The following PIN1 variants were observed in gnomAD, a reference collection of about 807,000 sequenced individuals.
PIN1 encodes peptidyl-prolyl cis-trans isomerase NIMA-interacting 1.
Under a neutral mutation model 19.9 loss-of-function variants are expected in PIN1, and 8 were observed. The observed-to-expected ratio is 0.40, with a 90% CI of 0.24 to 0.72. PIN1 has a LOEUF of 0.72. Among genes scored for constraint, PIN1 ranks in the 30% least tolerant of loss-of-function variants. The probability of loss-of-function intolerance (pLI) is 0.37; values close to 1 mark genes in which losing one functional copy is unlikely to be tolerated. For missense variants in PIN1, 185 were observed against 226.5 expected (o/e 0.82, Z 1.18); for synonymous variants, 86 against 90.8 (o/e 0.95, Z 0.30).
Position 9,849,623 on chromosome 19 carries a change from C to T in PIN1, c.*424C>T, listed in dbSNP as rs2046256069. ...AAGGTGAACACTCATGCGGCCCAGC[C>T]ATGGGCCCTCTGAGCAACTGTGCAG... On this transcript the variant is annotated 3_prime_UTR_variant, in exon 4 of 4. Coordinates refer to ENST00000247970, the MANE Select transcript of PIN1 (RefSeq NM_006221.4). 2 of 528,132 alleles carry T rather than the reference C, an allele frequency of 3.8e-6. No individual in the cohort carries two copies. The highest frequency in any genetic ancestry group is 3.8e-5 in the African/African-American group (2 of 52,416). The allele number at this position is 528,132 out of a possible 1,614,324, so 32.7% of individuals were successfully genotyped here.
intron 2 of PIN1, among the ~76,000 whole-genome samples, chr19:9,842,344 C>T (rs1476292778): frequency 6.6e-6 from 1 of 152,200 alleles, no homozygotes; most frequent in East Asian, 1.9e-4. Flanking sequence ...TCAGTGCCAG[C>T]TGTGTGGTCT....
At chr19:9,845,021 G>C (rs1047776135) in intron 2 of PIN1, among the ~76,000 whole-genome samples, 2 of 152,266 alleles carry the variant, frequency 1.3e-5, no homozygotes, top group African/African-American at 4.8e-5. Flanking sequence ...CAGCACCCAG[G>C]GGGAGGCACC....
chr19:9,845,641 G>T (rs556024924), intron 2 of PIN1, among the ~76,000 whole-genome samples: 1 of 152,318 alleles, frequency 6.6e-6, no homozygotes, highest in African/African-American at 2.4e-5. Flanking sequence ...GTCATTGCAG[G>T]CTCCCATCAT....
chr19:9,840,546 A>G (rs1383556602), intron 2 of PIN1, among the ~76,000 whole-genome samples: 1 of 152,198 alleles, frequency 6.6e-6, no homozygotes, highest in African/African-American at 2.4e-5. Context: ...CAGCTCTGCC[A>G]CGTCCTGGCT....
At position 9,846,401 on chromosome 19, in the gene PIN1, A is replaced by G. The variant is rs1228687908; in HGVS notation, c.272-1629A>G. On this transcript the variant is annotated intron_variant, in intron 2 of 3. Coordinates refer to ENST00000247970, the MANE Select transcript of PIN1 (RefSeq NM_006221.4). The surrounding 1 kb of genome is among the most constrained non-coding windows in gnomAD (Gnocchi z 5.9). ...AGGGTCCTGCTCGGTGCCGGGCACT[A>G]TGCTGCATGTCACAGCCACTGGCAC... Among the ~76,000 whole-genome samples the G allele has an allele frequency of 2.0e-5, 3 of 152,290 alleles. No homozygotes were observed. Among genetic ancestry groups the G allele is most frequent in the Middle Eastern group, 3.4e-3 (1 of 294 alleles).
At chr19:9,836,739 A>G (rs1480679344) in intron 1 of PIN1, 1 of 889,702 alleles carries the variant, frequency 1.1e-6, no homozygotes, top group Non-Finnish European at 1.6e-6. Context: ...AACACCATGC[A>G]CGGTGTAGTA....
rs2046128495 is a variant in PIN1 at position 9,838,165 on chromosome 19, G to A, written c.59-271G>A. 5.8e-6 allele frequency: 3 copies of A among 521,272 alleles called. No individual in the cohort carries two copies. Among genetic ancestry groups the A allele is most frequent in the African/African-American group, 1.9e-5 (1 of 52,140 alleles). The allele number at this position is 521,272 out of a possible 1,614,324, so 32.3% of individuals were successfully genotyped here. ...ACTCTGGGTTATTTTCCTCCTTGAA[G>A]TTATCAGGGATTGATACTATCCTGT... On this transcript the variant is annotated intron_variant, in intron 1 of 3. Coordinates refer to ENST00000247970, the MANE Select transcript of PIN1 (RefSeq NM_006221.4). This position sits in a 1 kb window ranked among gnomAD's most constrained non-coding sequence, Gnocchi z 5.8.
rs756093290 is a variant in PIN1 at position 9,849,136 on chromosome 19, G to A, written c.429G>A (p.Thr143=). ...PFEDASFALR[T]GEMSGPVFTD... is the part of the protein sequence containing the mutation. Reference sequence around the variant, plus strand: ...AAGACGCCTCGTTTGCGCTGCGGACGGGGGAGATGAGCGGGCCCGTGTTCA... The same window carrying A: ...AAGACGCCTCGTTTGCGCTGCGGACAGGGGAGATGAGCGGGCCCGTGTTCA... The change falls in exon 4 of 4, where the codon ACG becomes ACA. Residue 143 remains threonine, a synonymous_variant. Coordinates refer to ENST00000247970, the MANE Select transcript of PIN1 (RefSeq NM_006221.4). 24 of 1,613,512 alleles carry A rather than the reference G, an allele frequency of 1.5e-5. No homozygotes were observed. The highest frequency in any genetic ancestry group is 8.3e-5 in the Admixed American group (5 of 59,990).
At chr19:9,835,807 C>A (rs1051464438) in intron 1 of PIN1, 1 of 220,710 alleles carries the variant, frequency 4.5e-6, no homozygotes, top group Non-Finnish European at 8.8e-6. Flanking sequence ...CTCGGGTCCA[C>A]AACCTACCCC....
chr19:9,835,634 G>A, intron 1 of PIN1: 1 of 486,898 alleles, frequency 2.1e-6, no homozygotes, highest in Non-Finnish European at 3.5e-6. Flanking sequence ...TGAGGGTCCG[G>A]GGAGTCCGGG....
Position 9,835,359 on chromosome 19 carries a change from G to T in PIN1, c.15G>T (p.Glu5Asp). 3 of 1,523,224 alleles carry T rather than the reference G, an allele frequency of 2.0e-6. No individual in the cohort carries two copies. The highest frequency in any genetic ancestry group is 2.6e-6 in the Non-Finnish European group (3 of 1,141,994). 94.4% of individuals were successfully genotyped at this position (1,523,224 alleles called of 1,614,324 possible). ...CAGGAGGGAAGATGGCGGACGAGGA[G>T]AAGCTGCCGCCCGGCTGGGAGAAGC... MADE[E>D]KLPPGWEKRM... Residue 5 changes from glutamate to aspartate, a missense_variant, in exon 1 of 4, where the codon GAG (glutamate) becomes GAT (aspartate). Coordinates refer to ENST00000247970, the MANE Select transcript of PIN1 (RefSeq NM_006221.4).
In PIN1 at chr19:9,835,399, T is replaced by C; in HGVS notation, c.55T>C (p.Ser19Pro). Residue 19 changes from serine (S) to proline (P), a missense_variant, in exon 1 of 4, where the codon TCA becomes CCA. Coordinates refer to ENST00000247970, the MANE Select transcript of PIN1 (RefSeq NM_006221.4). ...PGWEKRMSRS[S>P]GRVYYFNHIT... ...CTGGGAGAAGCGCATGAGCCGCAGC[T>C]CAGGTGCCGCGGGGGTCGGGGCTGG... 6.7e-7 allele frequency: 1 copy of C among 1,501,004 alleles called. No homozygotes were observed. Among genetic ancestry groups the C allele is most frequent in the Non-Finnish European group, 8.9e-7 (1 of 1,128,482 alleles). The allele number at this position is 1,501,004 out of a possible 1,614,324, so 93.0% of individuals were successfully genotyped here.
chr19:9,839,619 A>T (rs1217070485), intron 2 of PIN1, among the ~76,000 whole-genome samples: 1 of 152,124 alleles, frequency 6.6e-6, no homozygotes, highest in East Asian at 1.9e-4. Context: ...ACTGGATAGC[A>T]CTCATAACTA....
At chr19:9,843,623 G>A (rs767616289) in intron 2 of PIN1, among the ~76,000 whole-genome samples, 1 of 152,222 alleles carries the variant, frequency 6.6e-6, no homozygotes, top group Non-Finnish European at 1.5e-5. Flanking sequence ...GGTTCCCTCA[G>A]ATTCTGTTCC....
chr19:9,848,293 T>G, intron 3 of PIN1, 153 bp downstream of exon 3: 1 of 635,600 alleles, frequency 1.6e-6, no homozygotes, highest in African/African-American at 1.8e-5. Context: ...CTTCAGAGGC[T>G]GCTCTGCTGG....
intron 2 of PIN1, among the ~76,000 whole-genome samples, chr19:9,839,455 T>G (rs550626226): frequency 6.7e-6 from 1 of 149,394 alleles, no homozygotes; most frequent in African/African-American, 2.5e-5. Context: ...TGCCAGTAGA[T>G]AGTGAGTTAA....
intron 1 of PIN1, 73 bp downstream of exon 1, chr19:9,835,475 C>T (rs1042827897): frequency 1.0e-5 from 11 of 1,097,310 alleles, no homozygotes; most frequent in African/African-American, 6.6e-5. Context: ...GCCCCTTGGG[C>T]GCGGCGGCAG....
chr19:9,844,245 C>T (rs966406424), intron 2 of PIN1, among the ~76,000 whole-genome samples: 1 of 151,958 alleles, frequency 6.6e-6, no homozygotes, highest in African/African-American at 2.4e-5. Flanking sequence ...GGGGCCTGCT[C>T]TGCAACAGCC....
chr19:9,840,452 C>T (rs888660458), intron 2 of PIN1, among the ~76,000 whole-genome samples: 18 of 152,326 alleles, frequency 1.2e-4, no homozygotes, highest in African/African-American at 4.1e-4. Context: ...TGTCTGATGC[C>T]TTTCTCAGAG....
Sources: gnomAD v4.1 joint callset for allele counts (sites outside exome capture counted in the v4.1 genomes callset) on GRCh38, gnomAD v4.1.1 for gene constraint, Gnocchi (gnomAD v3.1) non-coding constraint, MANE v1.5 for transcripts, NCBI Gene and HGNC (gene_info 2026-07-23, HGNC 2026-07-21) for gene names.